Variants in TAFA1 observed in about 807,000 individuals in gnomAD.
TAFA1 encodes the protein chemokine-like protein TAFA-1.
Under a neutral mutation model 18.5 loss-of-function variants are expected in TAFA1, and 4 were observed. The observed-to-expected ratio is 0.22, with a 90% confidence interval of 0.11 to 0.49. The LOEUF (loss-of-function observed/expected upper bound fraction) is 0.49, where lower values mean the gene tolerates loss of function less well. Ranked by LOEUF, TAFA1 falls within the 20% of genes least tolerant of loss-of-function variation. TAFA1 has a pLI of 0.98. For missense variants in TAFA1, 147 were observed against 169.0 expected, an observed-to-expected ratio of 0.87 and a Z score of 0.72; for synonymous variants, 56 against 55.2, an observed-to-expected ratio of 1.01 and a Z score of -0.06.
chr3:68,114,842 A>G (rs1204380681), intron 2 of TAFA1, among the ~76,000 whole-genome samples: 9 of 152,232 alleles, frequency 5.9e-5, no homozygotes, highest in Non-Finnish European at 2.9e-5. Flanking sequence ...ATATACTCAT[A>G]TAATGGAATC....
At chr3:68,419,897 A>G (rs1029787628) in intron 3 of TAFA1, among the ~76,000 whole-genome samples, 41 of 152,182 alleles carry the variant, frequency 2.7e-4, no homozygotes, top group African/African-American at 9.2e-4. Context: ...TTCTTCAGGC[A>G]GCTGTCATCT....
chr3:68,251,302 C>T (rs1471934714), intron 2 of TAFA1, among the ~76,000 whole-genome samples: 1 of 152,172 alleles, frequency 6.6e-6, no homozygotes, highest in Admixed American at 6.5e-5. Context: ...GTGGCATTTC[C>T]TATCCTTTTT....
At chr3:68,256,056 C>T (rs576044621) in intron 2 of TAFA1, among the ~76,000 whole-genome samples, 5 of 151,950 alleles carry the variant, frequency 3.3e-5, no homozygotes, top group South Asian at 2.1e-4. Context: ...GCCAGAAAAG[C>T]GCATTGAAAT....
chr3:68,415,083 C>T (rs552252604), intron 2 of TAFA1, among the ~76,000 whole-genome samples: 4 of 152,276 alleles, frequency 2.6e-5, no homozygotes, highest in South Asian at 2.1e-4. Context: ...ATCCCAGTGT[C>T]GTGCATGGGG....
the TAFA1 span, among the ~76,000 whole-genome samples, chr3:67,996,047 G>A: frequency 1.3e-5 from 2 of 152,166 alleles, no homozygotes; most frequent in African/African-American, 4.8e-5. Context: ...AAATAAAACA[G>A]GAGCTTATAG....
At chr3:68,211,430 T>C (rs2066595356) in intron 2 of TAFA1, among the ~76,000 whole-genome samples, 1 of 152,098 alleles carries the variant, frequency 6.6e-6, no homozygotes, top group Non-Finnish European at 1.5e-5. Context: ...TGATTCCGTC[T>C]GAATTTGGAT....
At position 68,089,740 on chromosome 3, in the gene TAFA1, G is replaced by T. The variant is rs74326908; in HGVS notation, c.118+82996G>T. 2.7e-3 allele frequency among the ~76,000 whole-genome samples: 416 copies of T among 152,224 alleles called. 3 individuals are homozygous for T. Among genetic ancestry groups the T allele is most frequent in the African/African-American group, 9.6e-3 (399 of 41,528 alleles). ...TAGAAAAGCCTGTGTAGTTCCTGAG[G>T]CACTCAGAGAGAATCCTTTTTAATA... On this transcript the variant is annotated intron_variant, in intron 2 of 4. Transcript: ENST00000478136.
chr3:68,275,779 G>A (rs1222608703), intron 2 of TAFA1, among the ~76,000 whole-genome samples: 1 of 152,036 alleles, frequency 6.6e-6, no homozygotes, highest in Non-Finnish European at 1.5e-5. Flanking sequence ...TGTGCTGTTT[G>A]TTTAATACAC....
rs971755970 is a variant in TAFA1 at position 68,076,171 on chromosome 3, T to C, written c.118+69427T>C. Among the ~76,000 whole-genome samples, 7 of 152,274 alleles carry C rather than the reference T, an allele frequency of 4.6e-5. No individual in the cohort carries two copies. The East Asian group carries it at 9.6e-4, about 21-fold the overall frequency. The stretch of plus-strand genomic sequence containing the variant: ...AGGCAAAGACCTGAACCCAGTGTTT[T>C]TACTTGTGGTGTAGTGGTCTTTGAA... On this transcript the variant is annotated intron_variant, in intron 2 of 4. Transcript: ENST00000478136.
intron 3 of TAFA1, among the ~76,000 whole-genome samples, chr3:68,440,073 C>T (rs1044480511): frequency 2.6e-5 from 4 of 151,780 alleles, no homozygotes; most frequent in African/African-American, 7.3e-5. Context: ...CAAATTGTAA[C>T]CCCCACAATT....
chr3:68,106,782 T>G (rs1412480499), intron 2 of TAFA1, among the ~76,000 whole-genome samples: 1 of 151,768 alleles, frequency 6.6e-6, no homozygotes, highest in Non-Finnish European at 1.5e-5. Flanking sequence ...AACATATACC[T>G]CAACAAAAAA....
chr3:68,371,965 T>C lies in TAFA1; in HGVS notation c.119-45315T>C, dbSNP rs1400578768. 2.0e-5 allele frequency among the ~76,000 whole-genome samples: 3 copies of C among 152,206 alleles called. 1 individual carries two copies. The highest frequency in any genetic ancestry group is 2.0e-4 in the Admixed American group (3 of 15,282). ...GAGAAACTAGAAATCTAGATTCTTATGTGAAATTCTACTGTGACTAATTTA... is the reference window on the plus strand; with the variant it reads ...GAGAAACTAGAAATCTAGATTCTTACGTGAAATTCTACTGTGACTAATTTA... On this transcript the variant is annotated intron_variant, in intron 2 of 4. Transcript: ENST00000478136.
At chr3:68,445,287 A>T (rs550123404) in intron 3 of TAFA1, among the ~76,000 whole-genome samples, 21 of 152,188 alleles carry the variant, frequency 1.4e-4, no homozygotes, top group Admixed American at 6.5e-4. Context: ...GATAACGACC[A>T]CTCCAATTTA....
At chr3:68,275,183 A>G (rs1005998276) in intron 2 of TAFA1, among the ~76,000 whole-genome samples, 8 of 152,290 alleles carry the variant, frequency 5.3e-5, no homozygotes, top group Middle Eastern at 3.4e-3. Context: ...ACTAGAAAGC[A>G]AGAGTCCTTC....
intron 3 of TAFA1, among the ~76,000 whole-genome samples, chr3:68,429,396 C>A (rs2071123246): frequency 1.3e-5 from 2 of 151,854 alleles, no homozygotes; most frequent in Admixed American, 6.6e-5. Context: ...AGGGAAGAAC[C>A]TGATGCCTTA....
intron 2 of TAFA1, among the ~76,000 whole-genome samples, chr3:68,111,780 A>AGAC (rs377007942): frequency 6.9e-6 from 1 of 145,938 alleles, no homozygotes; most frequent in East Asian, 2.0e-4. Context: ...ACACATGAGA[A>AGAC]AGAGAGAGAG....
At chr3:68,065,475 C>T (rs1250621371) in intron 2 of TAFA1, among the ~76,000 whole-genome samples, 1 of 152,068 alleles carries the variant, frequency 6.6e-6, no homozygotes, top group African/African-American at 2.4e-5. Flanking sequence ...CCAGTGTCTT[C>T]CCCTTTATGT....
At chr3:68,006,766 C>A in intron 2 of TAFA1, 22 bp downstream of exon 2, 1 of 1,462,826 alleles carries the variant, frequency 6.8e-7, no homozygotes, top group Non-Finnish European at 9.6e-7. Flanking sequence ...GCTGGCTCCA[C>A]TGCAGCCTCC....
At chr3:68,049,058 CACAA>C (rs1195717063) in intron 2 of TAFA1, among the ~76,000 whole-genome samples, 4 of 152,102 alleles carry the variant, frequency 2.6e-5, no homozygotes, top group African/African-American at 9.7e-5. Flanking sequence ...ATAGTGATTG[CACAA>C]ATTTACATTA....
Sources: gnomAD v4.1 joint callset for allele counts (sites outside exome capture counted in the v4.1 genomes callset) on GRCh38, gnomAD v4.1.1 for gene constraint, MANE v1.5 for transcripts, NCBI Gene and HGNC (gene_info 2026-07-23, HGNC 2026-07-21) for gene names.